The following SIPA1L1 variants were observed in gnomAD, a reference collection of about 807,000 sequenced individuals.
The protein encoded by SIPA1L1 is signal-induced proliferation-associated 1-like protein 1.
Under a neutral mutation model 162.7 loss-of-function variants are expected in SIPA1L1, and 26 were observed. The observed-to-expected ratio is 0.16, with a 90% CI of 0.12 to 0.22. The LOEUF (loss-of-function observed/expected upper bound fraction) is 0.22. SIPA1L1 is among the 10% of genes least tolerant of loss of function. The pLI is 1.00. For missense variants in SIPA1L1, 1,874 were observed against 2,241.0 expected (o/e 0.84, Z 3.31); for synonymous variants, 829 against 837.4 (o/e 0.99, Z 0.17).
chr14:71,681,136 A>C (rs922246208), intron 12 of SIPA1L1, among the ~76,000 whole-genome samples: 1 of 152,228 alleles, frequency 6.6e-6, no homozygotes, highest in Non-Finnish European at 1.5e-5. Flanking sequence ...ACCAGCTAGC[A>C]TGACAGCCTG....
At chr14:71,328,069 G>C (rs930694886) in intron 2 of SIPA1L1, among the ~76,000 whole-genome samples, 3 of 152,192 alleles carry the variant, frequency 2.0e-5, no homozygotes, top group African/African-American at 7.2e-5. Context: ...TTTTAAATTA[G>C]GATCTTAATG....
At chr14:71,593,586 A>AT (rs1482809853) in intron 5 of SIPA1L1, among the ~76,000 whole-genome samples, 1 of 152,166 alleles carries the variant, frequency 6.6e-6, no homozygotes, top group Admixed American at 6.6e-5. Flanking sequence ...AAGTTATAGA[A>AT]TAATTATAAT....
chr14:71,464,533 TA>T (rs2046841658), intron 2 of SIPA1L1, among the ~76,000 whole-genome samples: 1 of 151,882 alleles, frequency 6.6e-6, no homozygotes, highest in African/African-American at 2.4e-5. Context: ...CCCAGCTACT[TA>T]GGAGGCTAAG....
intron 14 of SIPA1L1, among the ~76,000 whole-genome samples, chr14:71,701,185 G>A (rs1271221697): frequency 1.3e-5 from 2 of 151,990 alleles, no homozygotes; most frequent in Admixed American, 1.3e-4. Context: ...TTGGATGGGG[G>A]TTGGAACTTG....
At chr14:71,479,336 G>GGTATGTAGGTATGTATGTATGTATGTAT (rs2048145273) in intron 2 of SIPA1L1, among the ~76,000 whole-genome samples, 1 of 148,218 alleles carries the variant, frequency 6.7e-6, no homozygotes, top group Non-Finnish European at 1.5e-5. Context: ...TGTGTATGTA[G>GGTATGTAGGTATGTATGTATGTATGTAT]GTATGTATGT....
chr14:71,381,721 G>T (rs2039921550), intron 2 of SIPA1L1, among the ~76,000 whole-genome samples: 1 of 152,086 alleles, frequency 6.6e-6, no homozygotes, highest in African/African-American at 2.4e-5. Context: ...TTGGTCCTTT[G>T]TTGGCAACTG....
At chr14:71,584,375 A>G (rs561221126) in intron 4 of SIPA1L1, among the ~76,000 whole-genome samples, 9 of 152,318 alleles carry the variant, frequency 5.9e-5, no homozygotes, top group South Asian at 2.1e-4. Context: ...CTGTGGTACA[A>G]TTAGTCCCAG....
intron 15 of SIPA1L1, among the ~76,000 whole-genome samples, chr14:71,703,041 G>A (rs2286135): frequency 0.7 from 106,606 of 152,128 alleles, 39,395 homozygotes; most frequent in East Asian, 0.94. Context: ...GATTTGCATT[G>A]GTGAGCTTGT....
chr14:71,491,654 C>A (rs2049264769), intron 2 of SIPA1L1, among the ~76,000 whole-genome samples: 1 of 151,956 alleles, frequency 6.6e-6, no homozygotes, highest in Non-Finnish European at 1.5e-5. Context: ...CCCACCTCAA[C>A]CCCACAAGTA....
At chr14:71,690,835 T>C (rs578026013) in intron 13 of SIPA1L1, among the ~76,000 whole-genome samples, 1 of 152,216 alleles carries the variant, frequency 6.6e-6, no homozygotes, top group Non-Finnish European at 1.5e-5. Context: ...AGCTGATCTG[T>C]TTTGCCTTGG....
At chr14:71,468,219 T>C (rs569538514) in intron 2 of SIPA1L1, among the ~76,000 whole-genome samples, 48 of 152,336 alleles carry the variant, frequency 3.2e-4, no homozygotes, top group African/African-American at 1.1e-3. Context: ...TTGTCTCTAC[T>C]TTAAAAGCTA....
intron 2 of SIPA1L1, among the ~76,000 whole-genome samples, chr14:71,350,051 A>AT (rs1422389422): frequency 1.3e-5 from 2 of 152,138 alleles, no homozygotes; most frequent in Non-Finnish European, 2.9e-5. Flanking sequence ...TTATAAGAGC[A>AT]TTTCTGCTAG....
chr14:71,561,153 C>T (rs1379891596), intron 4 of SIPA1L1, among the ~76,000 whole-genome samples: 1 of 152,080 alleles, frequency 6.6e-6, no homozygotes, highest in Non-Finnish European at 1.5e-5. Context: ...GGGCAATGAT[C>T]ATCATATATA....
At chr14:71,608,679 G>A (rs1413516949) in intron 5 of SIPA1L1, among the ~76,000 whole-genome samples, 3 of 152,176 alleles carry the variant, frequency 2.0e-5, no homozygotes, top group Admixed American at 1.3e-4. Context: ...GGCAGATCAC[G>A]AGGTCAGGGG....
Position 71,615,542 on chromosome 14 carries a change from C to A in SIPA1L1, c.1499-3215C>A, listed in dbSNP as rs953878299. 2.0e-5 allele frequency among the ~76,000 whole-genome samples: 3 copies of A among 152,168 alleles called. No individual in the cohort carries two copies. In the South Asian group the frequency reaches 6.2e-4, roughly 32 times the overall value. ...GATGGATTTGAGAGATGTCCAGAAG[C>A]TGGAATTCACAGAGTATGGCAGTGG... On this transcript the variant is annotated intron_variant, in intron 5 of 23. Coordinates refer to ENST00000381232, the MANE Select transcript of SIPA1L1 (RefSeq NM_001386936.1).
intron 4 of SIPA1L1, among the ~76,000 whole-genome samples, chr14:71,581,045 A>G (rs1013476472): frequency 6.6e-6 from 1 of 152,084 alleles, no homozygotes; most frequent in Non-Finnish European, 1.5e-5. Context: ...TTTATCCTGT[A>G]TTCTTCTGAA....
chr14:71,405,347 T>C (rs932392016), intron 2 of SIPA1L1, among the ~76,000 whole-genome samples: 1 of 152,218 alleles, frequency 6.6e-6, no homozygotes, highest in Admixed American at 6.5e-5. Context: ...AAAGTGAGTA[T>C]GCTGGGGAGA....
intron 2 of SIPA1L1, among the ~76,000 whole-genome samples, chr14:71,404,314 TGGG>T (rs2140121677): frequency 6.6e-6 from 1 of 152,264 alleles, no homozygotes; most frequent in South Asian, 2.1e-4. Flanking sequence ...CAGCACTTTG[TGGG>T]CAGATCATCT....
In SIPA1L1 at chr14:71,409,558, C is replaced by T. The variant is rs116220701; in HGVS notation, c.-465+88377C>T. On this transcript the variant is annotated intron_variant, in intron 2 of 23. Transcript: ENST00000381232. ...TTCACCTTTAGTAAAAGGACTGGGT[C>T]CTTTTGGAGAAAGGACCTTTTAGTA... 5.1e-3 allele frequency among the ~76,000 whole-genome samples: 777 copies of T among 152,154 alleles called. 5 individuals carry two copies. The highest frequency in any genetic ancestry group is 0.018 in the African/African-American group (729 of 41,510).
Sources: allele counts gnomAD v4.1 joint callset (sites outside exome capture counted in the v4.1 genomes callset), GRCh38; gene constraint gnomAD v4.1.1; transcripts MANE v1.5; gene names NCBI Gene and HGNC (gene_info 2026-07-23, HGNC 2026-07-21).